PPP3R1: variants seen among roughly 807,000 people sequenced by gnomAD.
PPP3R1 encodes protein phosphatase 3 regulatory subunit B, alpha.
Under a neutral mutation model 22.6 loss-of-function variants are expected in PPP3R1, and 5 were observed. The ratio of observed to expected loss-of-function variants is 0.22; its 90% CI spans 0.12 to 0.46. PPP3R1 has a LOEUF of 0.46. Ranked by LOEUF, PPP3R1 falls within the 20% of genes least tolerant of loss-of-function variation. The pLI, the probability that PPP3R1 is intolerant of heterozygous loss-of-function variation, is 0.99. For synonymous variants in PPP3R1, 56 were observed against 65.2 expected (o/e 0.86, Z 0.68); for missense variants, 61 against 203.2 (o/e 0.30, Z 4.25).
At chr2:68,234,274 C>T (rs916264626) in intron 1 of PPP3R1, among the ~76,000 whole-genome samples, 3 of 151,550 alleles carry the variant, frequency 2.0e-5, no homozygotes, top group South Asian at 2.1e-4. Context: ...ACCTGGGAGG[C>T]GGAACTTGCA....
rs1674352947 is a variant in PPP3R1, at chr2:68,179,244, T to C, written c.*1719A>G. The C allele has an allele frequency of 6.5e-6, 1 of 152,672 alleles. No homozygotes were observed. Among genetic ancestry groups the C allele is most frequent in the Non-Finnish European group, 1.5e-5 (1 of 68,048 alleles). 9.5% of individuals were successfully genotyped at this position (152,672 alleles called of 1,614,324 possible). On this transcript the variant is annotated 3_prime_UTR_variant, in exon 6 of 6. Transcript: ENST00000234310. ...AACCACTGGCTGGGATTATAAGCCA[T>C]GCCACTGATCCAGAGGAAGAAAGTT...
intron 2 of PPP3R1, among the ~76,000 whole-genome samples, chr2:68,196,326 G>A (rs1412000952): frequency 6.6e-6 from 1 of 152,026 alleles, no homozygotes; most frequent in Non-Finnish European, 1.5e-5. Flanking sequence ...ACCAGGGGGC[G>A]CAGCAGATAA....
chr2:68,237,154 G>C (rs1400827644), intron 1 of PPP3R1, among the ~76,000 whole-genome samples: 2 of 152,114 alleles, frequency 1.3e-5, no homozygotes, highest in African/African-American at 4.8e-5. Context: ...TCTTGACTCT[G>C]TTAATCACTA....
intron 1 of PPP3R1, among the ~76,000 whole-genome samples, chr2:68,231,322 G>C (rs1009400459): frequency 8.2e-6 from 1 of 122,566 alleles, no homozygotes; most frequent in East Asian, 2.6e-4. Flanking sequence ...ATTACTATTT[G>C]GTCTTTCTTT....
chr2:68,211,433 G>A (rs756572602), intron 2 of PPP3R1, among the ~76,000 whole-genome samples: 7 of 127,598 alleles, frequency 5.5e-5, no homozygotes, highest in Non-Finnish European at 1.2e-4. Context: ...AAACTCTATT[G>A]CTAAAAAATG....
chr2:68,203,595 C>T (rs1022675440), intron 2 of PPP3R1, among the ~76,000 whole-genome samples: 6 of 122,296 alleles, frequency 4.9e-5, no homozygotes, highest in African/African-American at 2.0e-4. Context: ...GAAAGAAACT[C>T]TGTCTCAAAA....
chr2:68,185,491 A>C (rs578128233), intron 5 of PPP3R1, among the ~76,000 whole-genome samples: 3 of 147,842 alleles, frequency 2.0e-5, no homozygotes, highest in Non-Finnish European at 4.5e-5. Flanking sequence ...AAATATACAT[A>C]AGATATATAC....
At chr2:68,249,202 T>C (rs1340330919) in intron 1 of PPP3R1, among the ~76,000 whole-genome samples, 3 of 152,232 alleles carry the variant, frequency 2.0e-5, no homozygotes, top group Non-Finnish European at 4.4e-5. Flanking sequence ...CTTTATACCT[T>C]GAACCATTTT....
intron 2 of PPP3R1, among the ~76,000 whole-genome samples, chr2:68,200,845 T>C (rs1674960906): frequency 6.6e-6 from 1 of 152,190 alleles, no homozygotes. Flanking sequence ...TCAACATGTA[T>C]ATTACCGTTT....
At chr2:68,237,386 A>AT (rs1364468717) in intron 1 of PPP3R1, among the ~76,000 whole-genome samples, 1 of 152,130 alleles carries the variant, frequency 6.6e-6, no homozygotes, top group Non-Finnish European at 1.5e-5. Flanking sequence ...CTTTTTTTTA[A>AT]TTTAGAGTAC....
chr2:68,236,761 G>C (rs908099346), intron 1 of PPP3R1, among the ~76,000 whole-genome samples: 1 of 152,044 alleles, frequency 6.6e-6, no homozygotes, highest in Non-Finnish European at 1.5e-5. Context: ...GTAACCTAGG[G>C]CCAGGTTATA....
At chr2:68,189,944 C>T (rs1210872162) in intron 2 of PPP3R1, among the ~76,000 whole-genome samples, 2 of 151,560 alleles carry the variant, frequency 1.3e-5, no homozygotes, top group Non-Finnish European at 2.9e-5. Context: ...GTTATACTGC[C>T]CATGAGTATA....
chr2:68,240,825 T>A (rs1274038841), intron 1 of PPP3R1, among the ~76,000 whole-genome samples: 1 of 152,228 alleles, frequency 6.6e-6, no homozygotes, highest in Non-Finnish European at 1.5e-5. Flanking sequence ...TCAGTCTTTA[T>A]AATGCCGGAA....
chr2:68,235,875 A>G (rs781556070), intron 1 of PPP3R1, among the ~76,000 whole-genome samples: 3 of 152,166 alleles, frequency 2.0e-5, no homozygotes, highest in African/African-American at 7.2e-5. Context: ...TTTTTTGATT[A>G]TAACAATCCT....
chr2:68,196,296 C>T (rs1329844283), intron 2 of PPP3R1, among the ~76,000 whole-genome samples: 1 of 149,268 alleles, frequency 6.7e-6, no homozygotes, highest in African/African-American at 2.5e-5. Context: ...TTCATGTGAC[C>T]CCAATGAGAA....
At chr2:68,234,072 G>A (rs376526052) in intron 1 of PPP3R1, among the ~76,000 whole-genome samples, 15 of 152,244 alleles carry the variant, frequency 9.9e-5, no homozygotes, top group African/African-American at 3.4e-4. Flanking sequence ...GGCCGGGCAC[G>A]GTGGCTCACG....
intron 1 of PPP3R1, among the ~76,000 whole-genome samples, chr2:68,247,081 G>A (rs747859486): frequency 1.3e-4 from 19 of 149,202 alleles, no homozygotes; most frequent in Non-Finnish European, 2.6e-4. Flanking sequence ...TCTGCCTCCT[G>A]AGTAGCTGGC....
chr2:68,229,737 T>C (rs1669849837), intron 1 of PPP3R1, among the ~76,000 whole-genome samples: 1 of 152,178 alleles, frequency 6.6e-6, no homozygotes, highest in African/African-American at 2.4e-5. Context: ...GTTTGCATGA[T>C]ACATCTTTCT....
intron 2 of PPP3R1, among the ~76,000 whole-genome samples, chr2:68,208,246 A>C (rs1324991558): frequency 6.6e-6 from 1 of 152,230 alleles, no homozygotes; most frequent in African/African-American, 2.4e-5. Flanking sequence ...TGTGTAGACC[A>C]TATTCTGTAG....
Sources: gnomAD v4.1 joint callset for allele counts (sites outside exome capture counted in the v4.1 genomes callset) on GRCh38, gnomAD v4.1.1 for gene constraint, MANE v1.5 for transcripts, NCBI Gene and HGNC (gene_info 2026-07-23, HGNC 2026-07-21) for gene names.